CYP4F3: variants seen among roughly 807,000 people sequenced by gnomAD.
CYP4F3 encodes cytochrome P450 4F3.
In CYP4F3, 50 loss-of-function variants were observed where a neutral mutation model predicts 54.8. That is an observed-to-expected ratio of 0.91 (90% confidence interval 0.73 to 1.16). CYP4F3 has a LOEUF of 1.16. CYP4F3 is among the 50% of genes most tolerant of loss of function. The pLI, the probability that CYP4F3 is intolerant of heterozygous loss-of-function variation, is 0.00. For missense variants in CYP4F3, 715 were observed against 676.2 expected (o/e 1.06, Z -0.64); for synonymous variants, 244 against 262.6 (o/e 0.93, Z 0.69).
At chr19:15,648,111 G>A (rs535707398) in intron 5 of CYP4F3, among the ~76,000 whole-genome samples, 26 of 152,174 alleles carry the variant, frequency 1.7e-4, no homozygotes, top group Non-Finnish European at 1.6e-4. Context: ...GAATTGGGGC[G>A]AAGGTTTTGT....
rs760101492 is a variant in CYP4F3, at chr19:15,661,298, CAAAAA to C, written c.*1914_*1918del. The C allele has an allele frequency of 2.8e-5, 2 of 71,362 alleles. No individual in the cohort carries two copies. The highest frequency in any genetic ancestry group is 1.1e-4 in the African/African-American group (2 of 17,774). 4.4% of individuals were successfully genotyped at this position (71,362 alleles called of 1,614,324 possible). A position where few individuals can be genotyped will look rare whatever the true frequency, so the allele number is the denominator to read the frequency against. On this transcript the variant is annotated 3_prime_UTR_variant, in exon 13 of 13. Transcript: ENST00000221307. The stretch of plus-strand genomic sequence containing the variant: ...CAAAACAAAACAAAACAAAACAAAA[CAAAAA>C]CAAAACAAAACAAAACAAAACACTG...
intron 9 of CYP4F3, among the ~76,000 whole-genome samples, chr19:15,657,191 T>C (rs1599913725): frequency 6.6e-6 from 1 of 152,268 alleles, no homozygotes; most frequent in African/African-American, 2.4e-5. Flanking sequence ...AAACTGGACA[T>C]GAAGCTGTCA....
chr19:15,642,105 TG>T (rs368361359), intron 2 of CYP4F3, among the ~76,000 whole-genome samples: 344 of 152,300 alleles, frequency 2.3e-3, no homozygotes, highest in African/African-American at 7.3e-3. Flanking sequence ...GATGTCCCAA[TG>T]GGGTCCTGTT....
In CYP4F3 at chr19:15,659,307, C is replaced by T. The variant is rs1326231603; in HGVS notation, c.1485C>T (p.His495=). ...TLLRFRVLPD[H]TEPRRKPELV... is the part of the protein sequence containing the mutation. ...TGCGCTTCCGCGTCCTGCCTGACCA[C>T]ACCGAGCCCCGCAGGAAGCCGGAGC... Residue 495 remains histidine (H), a synonymous_variant, in exon 13 of 13, where the codon CAC becomes CAT. Coordinates refer to ENST00000221307, the MANE Select transcript of CYP4F3 (RefSeq NM_000896.3). 1.2e-6 allele frequency: 2 copies of T among 1,613,756 alleles called. No individual in the cohort carries two copies. Among genetic ancestry groups the T allele is most frequent in the Admixed American group, 1.7e-5 (1 of 59,990 alleles).
rs1568404308 is a variant in CYP4F3, at chr19:15,658,814, G to T, written c.1397+5G>T. ...TCCCTTCTCAGCAGGGCCCAGGTAA[G>T]AGCGGCCTGTGTTTGAGGCGGGGAC... On this transcript the variant is annotated splice_donor_5th_base_variant and intron_variant, in intron 12 of 12. Coordinates refer to ENST00000221307, the MANE Select transcript of CYP4F3 (RefSeq NM_000896.3). 6.2e-7 allele frequency: 1 copy of T among 1,614,002 alleles called. No individual in the cohort carries two copies. Among genetic ancestry groups the T allele is most frequent in the African/African-American group, 1.3e-5 (1 of 75,014 alleles).
chr19:15,650,143 C>T lies in CYP4F3; in HGVS notation c.878C>T (p.Ser293Phe), dbSNP rs766418606. The T allele has an allele frequency of 1.9e-6, 3 of 1,614,236 alleles. No individual in the cohort carries two copies. Among genetic ancestry groups the T allele is most frequent in the Middle Eastern group, 1.6e-4 (1 of 6,062 alleles). Reference sequence around the variant, plus strand: ...GACTTCCTCCAAGCCAAGGCCAAATCCAAGACTTTGGACTTCATTGATGTA... The same window carrying T: ...GACTTCCTCCAAGCCAAGGCCAAATTCAAGACTTTGGACTTCATTGATGTA... ...VDDFLQAKAK[S>F]KTLDFIDVLL... is the part of the protein sequence containing the mutation. Residue 293 changes from serine to phenylalanine, a missense_variant, in exon 7 of 13, where the codon TCC becomes TTC. Physicochemically the swap from Ser to Phe is radical, Grantham distance 155. Coordinates refer to ENST00000221307, the MANE Select transcript of CYP4F3 (RefSeq NM_000896.3).
In CYP4F3 at chr19:15,650,029, G is replaced by T. The variant is rs146695585; in HGVS notation, c.764G>T (p.Arg255Leu). The T allele has an allele frequency of 5.0e-4, 815 of 1,614,070 alleles. 2 individuals carry two copies. The highest frequency in any genetic ancestry group is 6.5e-4 in the Non-Finnish European group (765 of 1,180,040). The change falls in exon 7 of 13, where the codon CGT (arginine) becomes CTT (leucine). Residue 255 changes from arginine (R) to leucine (L), a missense_variant. Physicochemically the swap from Arg to Leu is moderately radical, Grantham distance 102. Transcript: ENST00000221307. ...TATTATCTCACCCCTGATGGGCAGC[G>T]TTTCCGCAGGGCCTGCCGCCTGGTG... Reference protein sequence around the residue: ...FLYYLTPDGQRFRRACRLVHD... With the variant: ...FLYYLTPDGQLFRRACRLVHD...
In CYP4F3 at chr19:15,641,540, A is replaced by G. The variant is rs1334854357; in HGVS notation, c.125A>G (p.Tyr42Cys). ...ARILAWTYTF[Y>C]DNCCRLRCFP... is the part of the protein sequence containing the mutation. ...ATCCTGGCCTGGACCTATACCTTCT[A>G]TGACAACTGCTGCCGCCTCCGGTGT... The change falls in exon 2 of 13, where the codon TAT becomes TGT. Residue 42 changes from tyrosine (Y) to cysteine (C), a missense_variant. Physicochemically the swap from Tyr to Cys is radical, Grantham distance 194. Transcript: ENST00000221307. The G allele has an allele frequency of 6.2e-7, 1 of 1,614,020 alleles. No homozygotes were observed. The highest frequency in any genetic ancestry group is 1.1e-5 in the South Asian group (1 of 91,082).
chr19:15,652,041 T>C (rs867775841), intron 7 of CYP4F3, among the ~76,000 whole-genome samples: 2 of 150,640 alleles, frequency 1.3e-5, no homozygotes, highest in African/African-American at 4.9e-5. Flanking sequence ...ATATTATGAG[T>C]CTCAGCACAT....
At chr19:15,643,026 ATGAT>A (rs960903382) in intron 2 of CYP4F3, among the ~76,000 whole-genome samples, 1 of 151,710 alleles carries the variant, frequency 6.6e-6, no homozygotes, top group Non-Finnish European at 1.5e-5. Context: ...AGATAGCTAG[ATGAT>A]TGATAGATAA....
rs1005229480 is a variant in CYP4F3, at chr19:15,660,640, T to C, written c.*1255T>C. The C allele has an allele frequency of 8.5e-5, 13 of 152,126 alleles. No homozygotes were observed. The highest frequency in any genetic ancestry group is 2.9e-4 in the African/African-American group (12 of 41,406). 9.4% of individuals were successfully genotyped at this position (152,126 alleles called of 1,614,324 possible). The stretch of plus-strand genomic sequence containing the variant: ...CCTACCACAGAAGTAATTTTCAAAG[T>C]AAGTCTCTGCCCTAGGCACATCAGA... On this transcript the variant is annotated 3_prime_UTR_variant, in exon 13 of 13. Coordinates refer to ENST00000221307, the MANE Select transcript of CYP4F3 (RefSeq NM_000896.3).
At chr19:15,650,476 G>GTTTA in intron 7 of CYP4F3, among the ~76,000 whole-genome samples, 1 of 152,256 alleles carries the variant, frequency 6.6e-6, no homozygotes, top group South Asian at 2.1e-4. Context: ...CTGGGTCTAT[G>GTTTA]TTTATGTTTT....
intron 9 of CYP4F3, among the ~76,000 whole-genome samples, chr19:15,653,769 AGAGAGAGAG>A (rs1972937969): frequency 7.3e-6 from 1 of 137,086 alleles, no homozygotes; most frequent in Non-Finnish European, 1.7e-5. Flanking sequence ...AGAGAGAGAG[AGAGAGAGAG>A]AGAGAGAGCA....
intron 2 of CYP4F3, among the ~76,000 whole-genome samples, chr19:15,643,678 G>A (rs1972541247): frequency 6.6e-6 from 1 of 152,118 alleles, no homozygotes; most frequent in African/African-American, 2.4e-5. Flanking sequence ...GAGCAAATTA[G>A]CCTTTCCTCT....
At chr19:15,657,371 A>G (rs1973054767) in intron 9 of CYP4F3, among the ~76,000 whole-genome samples, 1 of 152,172 alleles carries the variant, frequency 6.6e-6, no homozygotes, top group Middle Eastern at 3.2e-3. Flanking sequence ...ATCTCAGCTT[A>G]CTGCAGTCTC....
chr19:15,656,352 GTTC>G (rs927963849), intron 9 of CYP4F3, among the ~76,000 whole-genome samples: 8 of 152,058 alleles, frequency 5.3e-5, no homozygotes, highest in Admixed American at 5.2e-4. Context: ...ATAAAAAAGA[GTTC>G]TTCTTGTACC....
intron 6 of CYP4F3, 94 bp downstream of exon 6, chr19:15,649,375 CCTT>C (rs1972721245): frequency 3.1e-6 from 5 of 1,589,840 alleles, no homozygotes; most frequent in East Asian, 4.5e-5. Flanking sequence ...ATCAGACAAA[CCTT>C]CTTGGAGGAG....
intron 3 of CYP4F3, 111 bp from the exon 4 acceptor site, chr19:15,646,941 T>C (rs1475729617): frequency 6.8e-7 from 1 of 1,471,340 alleles, no homozygotes; most frequent in African/African-American, 1.4e-5. Context: ...CTTCTTGCTA[T>C]GTGGGGCTTG....
intron 9 of CYP4F3, among the ~76,000 whole-genome samples, chr19:15,656,756 CTATCTATCTAT>C (rs1973035727): frequency 5.1e-5 from 5 of 97,980 alleles, no homozygotes; most frequent in African/African-American, 1.3e-4. Flanking sequence ...ATCTATCTAT[CTATCTATCTAT>C]CATCCATCCA....
Sources: gnomAD v4.1 joint callset for allele counts (sites outside exome capture counted in the v4.1 genomes callset) on GRCh38, gnomAD v4.1.1 for gene constraint, MANE v1.5 for transcripts, NCBI Gene and HGNC (gene_info 2026-07-23, HGNC 2026-07-21) for gene names.